CACNA1C: variants seen among roughly 807,000 people sequenced by gnomAD.
CACNA1C encodes voltage-dependent L-type calcium channel subunit alpha-1C.
A neutral mutation model predicts 229.0 loss-of-function variants in CACNA1C; 30 were observed. That is an observed-to-expected ratio of 0.13 (90% CI 0.10 to 0.18). The LOEUF (loss-of-function observed/expected upper bound fraction) is 0.18. Among genes scored for constraint, CACNA1C ranks in the 10% least tolerant of loss-of-function variants. The pLI is 1.00. For missense variants in CACNA1C, 1,658 were observed against 2,845.0 expected (o/e 0.58, Z 9.49); for synonymous variants, 1,114 against 1,132.5 (o/e 0.98, Z 0.33).
chr12:2,696,557 T>G lies in CACNA1C; in HGVS notation c.*5358T>G, dbSNP rs567228938. 50 of 151,164 alleles carry G rather than the reference T, an allele frequency of 3.3e-4. No homozygotes were observed. The highest frequency in any genetic ancestry group is 1.2e-3 in the African/African-American group (48 of 40,898). 9.4% of individuals were successfully genotyped at this position (151,164 alleles called of 1,614,324 possible). The stretch of plus-strand genomic sequence containing the variant: ...GTGTGAATCAGACATACATTGTACA[T>G]TCATTTCTAAAATTCACTCATGCAC... On this transcript the variant is annotated 3_prime_UTR_variant, in exon 47 of 47. Transcript: ENST00000399655.
chr12:2,594,223 T>C (rs562065601), intron 19 of CACNA1C, among the ~76,000 whole-genome samples: 2 of 152,352 alleles, frequency 1.3e-5, no homozygotes, highest in African/African-American at 4.8e-5. Context: ...CCTAAGCCTA[T>C]GTATTTAGAT....
chr12:2,378,568 T>C (rs1452576422), intron 3 of CACNA1C, among the ~76,000 whole-genome samples: 1 of 152,128 alleles, frequency 6.6e-6, no homozygotes, highest in Admixed American at 6.5e-5. Flanking sequence ...AGGGGAGCAG[T>C]TGTCTATGGG....
At chr12:2,055,665 C>G (rs2054416597) in intron 1 of CACNA1C, among the ~76,000 whole-genome samples, 1 of 152,194 alleles carries the variant, frequency 6.6e-6, no homozygotes, top group South Asian at 2.1e-4. Flanking sequence ...GAGAGCTCTA[C>G]CTTTCCAGCA....
intron 29 of CACNA1C, among the ~76,000 whole-genome samples, chr12:2,616,055 A>T (rs1347547387): frequency 2.0e-5 from 3 of 152,116 alleles, no homozygotes; most frequent in African/African-American, 7.2e-5. Flanking sequence ...CCTCCCCAAG[A>T]GGAGGACGCT....
At chr12:2,089,010 G>T (rs1227257692) in intron 1 of CACNA1C, among the ~76,000 whole-genome samples, 1 of 152,188 alleles carries the variant, frequency 6.6e-6, no homozygotes, top group Non-Finnish European at 1.5e-5. Context: ...GGGAGACCCT[G>T]TGGGGCTCTG....
In CACNA1C at chr12:2,666,404, G is replaced by T. The variant is rs2096108919; in HGVS notation, c.4527-282G>T. Reference sequence around the variant, plus strand: ...GAAGGTTAGTTCATTCAATCAGCAAGTATATATTGAGAATTTTGTTGCACT... The same window carrying T: ...GAAGGTTAGTTCATTCAATCAGCAATTATATATTGAGAATTTTGTTGCACT... On this transcript the variant is annotated intron_variant, in intron 36 of 46. Transcript: ENST00000399655. This position sits in a 1 kb window ranked among gnomAD's most constrained non-coding sequence, Gnocchi z 5.3. 6.6e-6 allele frequency among the ~76,000 whole-genome samples: 1 copy of T among 152,146 alleles called. No individual in the cohort carries two copies. The highest frequency in any genetic ancestry group is 1.5e-5 in the Non-Finnish European group (1 of 68,024).
chr12:2,445,210 C>T (rs760173612), intron 3 of CACNA1C, among the ~76,000 whole-genome samples: 1 of 152,182 alleles, frequency 6.6e-6, no homozygotes, highest in African/African-American at 2.4e-5. Flanking sequence ...CTTCATCCTT[C>T]GAGATTCAGC....
chr12:2,281,460 A>T (rs1213673373), intron 3 of CACNA1C, among the ~76,000 whole-genome samples: 1 of 152,166 alleles, frequency 6.6e-6, no homozygotes, highest in Non-Finnish European at 1.5e-5. Context: ...TTGCAGTGCA[A>T]GTCTGCTAGG....
chr12:2,053,621 G>A lies in CACNA1C; in HGVS notation c.49+10G>A. ...GAGGAAAACCACCAAGGTAAGGCTG[G>A]ACCCCGCCGCCTCGCCGGGGCTCCC... is the stretch of plus-strand genomic sequence containing the variant. On this transcript the variant is annotated intron_variant, in intron 1 of 46. Transcript: ENST00000399655. The surrounding 1 kb of genome is among the most constrained non-coding windows in gnomAD (Gnocchi z 5.8). The A allele has an allele frequency of 6.4e-7, 1 of 1,569,308 alleles. No individual in the cohort carries two copies. The highest frequency in any genetic ancestry group is 8.6e-7 in the Non-Finnish European group (1 of 1,156,958).
At chr12:2,594,680 C>G (rs1017904247) in intron 19 of CACNA1C, among the ~76,000 whole-genome samples, 1 of 152,204 alleles carries the variant, frequency 6.6e-6, no homozygotes, top group African/African-American at 2.4e-5. Context: ...TCTTTGGAAT[C>G]TAAATCACTT....
intron 30 of CACNA1C, among the ~76,000 whole-genome samples, chr12:2,645,537 ATC>A (rs1343328174): frequency 4.6e-5 from 7 of 152,268 alleles, no homozygotes; most frequent in African/African-American, 1.7e-4. Context: ...AGCAAGTCCA[ATC>A]TCTCCTTCCA....
At chr12:2,516,777 A>G (rs781109747) in intron 9 of CACNA1C, among the ~76,000 whole-genome samples, 1 of 152,184 alleles carries the variant, frequency 6.6e-6, no homozygotes, top group Non-Finnish European at 1.5e-5. Context: ...AGTGCCTATT[A>G]AACATCCAGG....
chr12:2,581,937 G>A lies in CACNA1C; in HGVS notation c.2103+140G>A, dbSNP rs141442943. On this transcript the variant is annotated intron_variant, in intron 14 of 46. Transcript: ENST00000399655. ...CCCTGGAGAGCCCATGCCCGGGAGAGTCTTGAGTTTTTTCTGTAGTTTCCC... is the reference window on the plus strand; with the variant it reads ...CCCTGGAGAGCCCATGCCCGGGAGAATCTTGAGTTTTTTCTGTAGTTTCCC... The A allele has an allele frequency of 1.1e-3, 642 of 562,664 alleles. 5 individuals carry two copies. The highest frequency in any genetic ancestry group is 0.011 in the African/African-American group (592 of 52,702). 34.9% of individuals were successfully genotyped at this position (562,664 alleles called of 1,614,324 possible).
At position 2,504,783 on chromosome 12, in the gene CACNA1C, G is replaced by A. The variant is rs369264355; in HGVS notation, c.1114-59G>A. 3.4e-5 allele frequency: 36 copies of A among 1,058,290 alleles called. No individual in the cohort carries two copies. The highest frequency in any genetic ancestry group is 2.9e-4 in the South Asian group (22 of 77,058). The allele number at this position is 1,058,290 out of a possible 1,614,324, so 65.6% of individuals were successfully genotyped here. On this transcript the variant is annotated intron_variant, in intron 7 of 46. Transcript: ENST00000399655. This position sits in a 1 kb window ranked among gnomAD's most constrained non-coding sequence, Gnocchi z 6.8. ...GTCAGTGTCTCGGGAGCCGGGGACCGGCACTGGCCGTGCTCGGTTGCTGAG... is the reference window on the plus strand; with the variant it reads ...GTCAGTGTCTCGGGAGCCGGGGACCAGCACTGGCCGTGCTCGGTTGCTGAG...
chr12:2,547,492 T>C, intron 9 of CACNA1C: 1 of 779,744 alleles, frequency 1.3e-6, no homozygotes, highest in Non-Finnish European at 2.4e-6. Flanking sequence ...AAAGGGAAGT[T>C]TGCTTGGTTT....
chr12:2,424,572 G>A (rs529240936), intron 3 of CACNA1C, among the ~76,000 whole-genome samples: 20 of 152,296 alleles, frequency 1.3e-4, no homozygotes, highest in Admixed American at 3.9e-4. Context: ...GGCCTGGAAC[G>A]GGGCTTTCTT....
At chr12:2,550,151 G>T in intron 10 of CACNA1C, 118 bp downstream of exon 10, 1 of 783,650 alleles carries the variant, frequency 1.3e-6, no homozygotes, top group Non-Finnish European at 2.1e-6. Flanking sequence ...ATTAGAGCCG[G>T]TGGCAAGAAA....
intron 3 of CACNA1C, among the ~76,000 whole-genome samples, chr12:2,240,907 A>C (rs1461730675): frequency 6.6e-6 from 1 of 152,048 alleles, no homozygotes; most frequent in Admixed American, 6.6e-5. Context: ...ACACCGTCTC[A>C]GTGGGTGCTT....
At chr12:2,658,921 A>G (rs2095562368) in intron 34 of CACNA1C, among the ~76,000 whole-genome samples, 1 of 152,336 alleles carries the variant, frequency 6.6e-6, no homozygotes, top group South Asian at 2.1e-4. Flanking sequence ...AATATTCTGC[A>G]CAGCTGTACA....
Sources: allele counts gnomAD v4.1 joint callset (sites outside exome capture counted in the v4.1 genomes callset), GRCh38; gene constraint gnomAD v4.1.1; non-coding constraint Gnocchi (gnomAD v3.1); transcripts MANE v1.5; gene names NCBI Gene and HGNC (gene_info 2026-07-23, HGNC 2026-07-21).